Variants in EN1 observed in about 807,000 individuals in gnomAD.
EN1 encodes homeobox protein engrailed-1.
In EN1, 8 loss-of-function variants were observed where a neutral mutation model predicts 22.9. That is an observed-to-expected ratio of 0.35 (90% CI 0.20 to 0.63). The LOEUF (loss-of-function observed/expected upper bound fraction) is 0.63. Among genes scored for constraint, EN1 ranks in the 20% least tolerant of loss-of-function variants. The pLI, the probability that EN1 is intolerant of heterozygous loss-of-function variation, is 0.73. For synonymous variants in EN1, 287 were observed against 262.5 expected, an observed-to-expected ratio of 1.09 and a Z score of -0.90; for missense variants, 521 against 572.1, an observed-to-expected ratio of 0.91 and a Z score of 0.91.
Position 118,847,496 on chromosome 2 carries a change from GA to G in EN1, c.-330del. Reference sequence around the variant, plus strand: ...GTAAGCCACGGCCAAAAAAATGAAGGAAAAAAAGAAAAAGAAAAGGAAAAAG... The same window carrying G: ...GTAAGCCACGGCCAAAAAAATGAAGGAAAAAAGAAAAAGAAAAGGAAAAAG... On this transcript the variant is annotated 5_prime_UTR_variant, in exon 1 of 2. Transcript: ENST00000295206. The G allele has an allele frequency of 4.5e-6, 1 of 222,042 alleles. No homozygotes were observed. The highest frequency in any genetic ancestry group is 8.7e-6 in the Non-Finnish European group (1 of 115,144). 13.8% of individuals were successfully genotyped at this position (222,042 alleles called of 1,614,324 possible). A position where few individuals can be genotyped will look rare whatever the true frequency, so the allele number is the denominator to read the frequency against.
chr2:118,842,742 C>T lies in EN1; in HGVS notation c.*196G>A, dbSNP rs1678209844. 2 of 973,562 alleles carry T rather than the reference C, an allele frequency of 2.1e-6. No individual in the cohort carries two copies. The highest frequency in any genetic ancestry group is 1.8e-5 in the South Asian group (1 of 54,054). 60.3% of individuals were successfully genotyped at this position (973,562 alleles called of 1,614,324 possible). A position where few individuals can be genotyped will look rare whatever the true frequency, so the allele number is the denominator to read the frequency against. On this transcript the variant is annotated 3_prime_UTR_variant, in exon 2 of 2. Coordinates refer to ENST00000295206, the MANE Select transcript of EN1 (RefSeq NM_001426.4). ...GATCTTATTTTTCGATAGCACCTGT[C>T]CGAGTCTTTCTCCCTTTTCAAAAAT...
intron 1 of EN1, among the ~76,000 whole-genome samples, chr2:118,845,657 G>A (rs1243636885): frequency 6.6e-6 from 1 of 152,180 alleles, no homozygotes; most frequent in Non-Finnish European, 1.5e-5. Flanking sequence ...AAAACCAGGG[G>A]CTGCCAGCAC....
chr2:118,842,745 A>C lies in EN1; in HGVS notation c.*193T>G, dbSNP rs1315402573. 1 of 987,484 alleles carries C rather than the reference A, an allele frequency of 1.0e-6. No homozygotes were observed. The highest frequency in any genetic ancestry group is 1.4e-6 in the Non-Finnish European group (1 of 699,852). 61.2% of individuals were successfully genotyped at this position (987,484 alleles called of 1,614,324 possible). A position where few individuals can be genotyped will look rare whatever the true frequency, so the allele number is the denominator to read the frequency against. On this transcript the variant is annotated 3_prime_UTR_variant, in exon 2 of 2. Coordinates refer to ENST00000295206, the MANE Select transcript of EN1 (RefSeq NM_001426.4). ...CTTATTTTTCGATAGCACCTGTCCG[A>C]GTCTTTCTCCCTTTTCAAAAATGCT...
Position 118,847,155 on chromosome 2 carries a change from G to T in EN1, c.13C>A (p.Gln5Lys). 8.8e-7 allele frequency: 1 copy of T among 1,137,964 alleles called. No homozygotes were observed. Among genetic ancestry groups the T allele is most frequent in the Non-Finnish European group, 1.2e-6 (1 of 836,190 alleles). 70.5% of individuals were successfully genotyped at this position (1,137,964 alleles called of 1,614,324 possible). MEEQQPEPKSQRDSA... is the reference protein window; with the variant it reads MEEQKPEPKSQRDSA... Reference sequence around the variant, plus strand: ...TCGCGCTGACTTTTAGGTTCCGGCTGCTGTTCTTCCATGCTCGGCCGCCCC... The same window carrying T: ...TCGCGCTGACTTTTAGGTTCCGGCTTCTGTTCTTCCATGCTCGGCCGCCCC... Residue 5 changes from glutamine (Q) to lysine (K), a missense_variant, in exon 1 of 2, where the codon CAG becomes AAG. Transcript: ENST00000295206.
rs775823513 is a variant in EN1, at chr2:118,846,658, C to T, written c.510G>A (p.Leu170=). The part of the protein sequence containing the change: ...GTRAPGAASL[L]CAPDANCGPP... ...GGCCACAGTTCGCGTCCGGGGCGCA[C>T]AGGAGCGAGGCAGCGCCTGGCGCCC... is the stretch of plus-strand genomic sequence containing the variant. Residue 170 remains leucine (L), a synonymous_variant, in exon 1 of 2, where the codon CTG becomes CTA. Transcript: ENST00000295206. The surrounding 1 kb of genome is among the most constrained non-coding windows in gnomAD (Gnocchi z 5.0). 33 of 1,563,246 alleles carry T rather than the reference C, an allele frequency of 2.1e-5. No individual in the cohort carries two copies. In the African/African-American group the frequency reaches 2.8e-4, roughly 13 times the overall value.
chr2:118,843,058 G>A lies in EN1; in HGVS notation c.1059C>T (p.Asn353=), dbSNP rs767392804. The change falls in exon 2 of 2, where the codon AAC becomes AAT. Residue 353 remains asparagine (N), a synonymous_variant. Transcript: ENST00000295206. ...NESQIKIWFQ[N]KRAKIKKATG... is the part of the protein sequence containing the mutation. Reference sequence around the variant, plus strand: ...TGGCTTTCTTGATCTTGGCGCGCTTGTTCTGGAACCAGATCTTGATCTGGG... The same window carrying A: ...TGGCTTTCTTGATCTTGGCGCGCTTATTCTGGAACCAGATCTTGATCTGGG... The A allele has an allele frequency of 3.7e-6, 6 of 1,614,188 alleles. No individual in the cohort carries two copies. Among genetic ancestry groups the A allele is most frequent in the Non-Finnish European group, 5.1e-6 (6 of 1,180,038 alleles).
At position 118,847,303 on chromosome 2, in the gene EN1, G is replaced by A; in HGVS notation, c.-136C>T. On this transcript the variant is annotated 5_prime_UTR_variant, in exon 1 of 2. Coordinates refer to ENST00000295206, the MANE Select transcript of EN1 (RefSeq NM_001426.4). ...CGAAGCCTCAGCGAAGGCACGGGGC[G>A]GGTGCAGGAAAAAAGCTCAGGCGTC... 1 of 406,896 alleles carries A rather than the reference G, an allele frequency of 2.5e-6. No individual in the cohort carries two copies. The highest frequency in any genetic ancestry group is 6.3e-5 in the South Asian group (1 of 15,804). The allele number at this position is 406,896 out of a possible 1,614,324, so 25.2% of individuals were successfully genotyped here.
intron 1 of EN1, chr2:118,844,143 T>C (rs1678233661): frequency 1.3e-5 from 2 of 152,118 alleles, no homozygotes; most frequent in South Asian, 4.1e-4. Flanking sequence ...TATCTGGGTC[T>C]TCCTTATCTC....
At position 118,843,027 on chromosome 2, in the gene EN1, T is replaced by C; in HGVS notation, c.1090A>G (p.Ile364Val). The C allele has an allele frequency of 1.2e-6, 2 of 1,614,152 alleles. No homozygotes were observed. The highest frequency in any genetic ancestry group is 1.7e-6 in the Non-Finnish European group (2 of 1,180,018). Residue 364 changes from isoleucine to valine, a missense_variant, in exon 2 of 2, where the codon ATC (isoleucine) becomes GTC (valine). Physicochemically the swap from Ile to Val is conservative, Grantham distance 29. Coordinates refer to ENST00000295206, the MANE Select transcript of EN1 (RefSeq NM_001426.4). ...AGGTGCAGCGCCAGGCCGTTCTTGA[T>C]GCCTGTGGCTTTCTTGATCTTGGCG... ...KRAKIKKATG[I>V]KNGLALHLMA...
rs751304937 is a variant in EN1 at position 118,842,957 on chromosome 2, T to C, written c.1160A>G (p.Asp387Gly). The change falls in exon 2 of 2, where the codon GAC becomes GGC. Residue 387 changes from aspartate to glycine, a missense_variant. Around this residue, in one of 3 missense-constraint regions of EN1, gnomAD observed 35 missense variants for 40.2 expected, o/e 0.87. Transcript: ENST00000295206. Reference sequence around the variant, plus strand: ...TGGCGGCTACTCGCTCTCGTCTTTGTCCTGGACCGTGGTGGTGGAGTGGTT... The same window carrying C: ...TGGCGGCTACTCGCTCTCGTCTTTGCCCTGGACCGTGGTGGTGGAGTGGTT... ...LYNHSTTTVQ[D>G]KDESE The C allele has an allele frequency of 1.5e-5, 25 of 1,613,468 alleles. No homozygotes were observed. The highest frequency in any genetic ancestry group is 3.3e-4 in the Middle Eastern group (2 of 6,074).
chr2:118,843,231 T>G lies in EN1; in HGVS notation c.886A>C (p.Lys296Gln). 1 of 1,334,718 alleles carries G rather than the reference T, an allele frequency of 7.5e-7. No homozygotes were observed. Among genetic ancestry groups the G allele is most frequent in the Non-Finnish European group, 9.9e-7 (1 of 1,013,866 alleles). 82.7% of individuals were successfully genotyped at this position (1,334,718 alleles called of 1,614,324 possible). ...TTGTCCTCCTTCTCGTTCTTCTTCT[T>G]CTTCAGCTTCCTGGTGCGCGGACCT... ...SSGPRTRKLK[K>Q]KKNEKEDKRP... The change falls in exon 2 of 2, where the codon AAG becomes CAG. Residue 296 changes from lysine to glutamine, a missense_variant. Lys to Gln is a moderately conservative substitution (Grantham distance 53). This residue lies in a region of EN1 where 50 missense variants were observed against 121.8 expected (regional missense o/e 0.41). Transcript: ENST00000295206.
Position 118,847,291 on chromosome 2 carries a change from A to G in EN1, c.-124T>C. 2.4e-6 allele frequency: 1 copy of G among 413,756 alleles called. No individual in the cohort carries two copies. 25.6% of individuals were successfully genotyped at this position (413,756 alleles called of 1,614,324 possible). On this transcript the variant is annotated 5_prime_UTR_variant, in exon 1 of 2. Transcript: ENST00000295206. ...GAAGGAGGCAGGCGAAGCCTCAGCGAAGGCACGGGGCGGGTGCAGGAAAAA... is the reference window on the plus strand; with the variant it reads ...GAAGGAGGCAGGCGAAGCCTCAGCGGAGGCACGGGGCGGGTGCAGGAAAAA...
In EN1 at chr2:118,846,402, C is replaced by G. The variant is rs776472651; in HGVS notation, c.766G>C (p.Ala256Pro). The change falls in exon 1 of 2, where the codon GCC becomes CCC. Residue 256 changes from alanine to proline, a missense_variant. By Grantham distance (27) the Ala-to-Pro change is conservative. Transcript: ENST00000295206. The surrounding 1 kb of genome is among the most constrained non-coding windows in gnomAD (Gnocchi z 5.0). ...GTTTTGACCACGGGCCCGCCGTTGG[C>G]TGAGCCCATAAGTAGGATAGCCGGG... ...GNPAILLMGS[A>P]NGGPVVKTDS... The G allele has an allele frequency of 5.0e-6, 8 of 1,613,444 alleles. No individual in the cohort carries two copies. In the African/African-American group the frequency reaches 8.0e-5, roughly 16 times the overall value.
rs752842693 is a variant in EN1 at position 118,842,980 on chromosome 2, G to A, written c.1137C>T (p.Asn379=). 3 of 1,614,128 alleles carry A rather than the reference G, an allele frequency of 1.9e-6. No individual in the cohort carries two copies. The highest frequency in any genetic ancestry group is 4.5e-5 in the East Asian group (2 of 44,872). ...ALHLMAQGLY[N]HSTTTVQDKD... is the part of the protein sequence containing the mutation. The stretch of plus-strand genomic sequence containing the variant: ...TGTCCTGGACCGTGGTGGTGGAGTG[G>A]TTGTACAGTCCCTGGGCCATGAGGT... Residue 379 remains asparagine (N), a synonymous_variant, in exon 2 of 2, where the codon AAC becomes AAT. Transcript: ENST00000295206.
In EN1 at chr2:118,846,289, C is replaced by A; in HGVS notation, c.862+17G>T. On this transcript the variant is annotated intron_variant, in intron 1 of 1. Transcript: ENST00000295206. The surrounding 1 kb of genome is among the most constrained non-coding windows in gnomAD (Gnocchi z 5.0). ...CGGGGCCAGAAGGCATGGCGCAGCC[C>A]GGAGTTGGGTACTCACCGGAGGATG... 1.2e-6 allele frequency: 2 copies of A among 1,603,778 alleles called. No homozygotes were observed. The highest frequency in any genetic ancestry group is 1.7e-6 in the Non-Finnish European group (2 of 1,175,620).
Position 118,842,931 on chromosome 2 carries a change from G to A in EN1, c.*7C>T, listed in dbSNP as rs1299046476. The stretch of plus-strand genomic sequence containing the variant: ...GGGGGCGCGGGCGCGGCCCCGGCCT[G>A]TGGCGGCTACTCGCTCTCGTCTTTG... On this transcript the variant is annotated 3_prime_UTR_variant, in exon 2 of 2. Transcript: ENST00000295206. 2 of 1,598,604 alleles carry A rather than the reference G, an allele frequency of 1.3e-6. No homozygotes were observed. The highest frequency in any genetic ancestry group is 1.7e-6 in the Non-Finnish European group (2 of 1,168,610).
In EN1 at chr2:118,847,103, G is replaced by C; in HGVS notation, c.65C>G (p.Ala22Gly). 1 of 1,343,876 alleles carries C rather than the reference G, an allele frequency of 7.4e-7. No individual in the cohort carries two copies. Among genetic ancestry groups the C allele is most frequent in the Non-Finnish European group, 9.8e-7 (1 of 1,025,434 alleles). The allele number at this position is 1,343,876 out of a possible 1,614,324, so 83.2% of individuals were successfully genotyped here. ...RDSALGAAAAATPGGLSLSLS... is the reference protein window; with the variant it reads ...RDSALGAAAAGTPGGLSLSLS... ...GCTCAGGCTGAGGCCGCCCGGAGTCGCCGCCGCCGCCGCGCCGAGGGCCGA... is the reference window on the plus strand; with the variant it reads ...GCTCAGGCTGAGGCCGCCCGGAGTCCCCGCCGCCGCCGCGCCGAGGGCCGA... The change falls in exon 1 of 2, where the codon GCG (alanine) becomes GGG (glycine). Residue 22 changes from alanine to glycine, a missense_variant. Ala to Gly is a moderately conservative substitution (Grantham distance 60). Transcript: ENST00000295206.
chr2:118,843,729 T>C lies in EN1; in HGVS notation c.863-475A>G, dbSNP rs546903392. 1.4e-4 allele frequency among the ~76,000 whole-genome samples: 21 copies of C among 150,146 alleles called. No homozygotes were observed. The East Asian group carries it at 4.1e-3, about 30-fold the overall frequency. ...GCAGTGAGGGCAGGCCCTGGGGGAG[T>C]CGCCAGCCTGCAAACAAATCTTCCT... On this transcript the variant is annotated intron_variant, in intron 1 of 1. Coordinates refer to ENST00000295206, the MANE Select transcript of EN1 (RefSeq NM_001426.4).
At position 118,846,287 on chromosome 2, in the gene EN1, C is replaced by T. The variant is rs1678266694; in HGVS notation, c.862+19G>A. 1.2e-6 allele frequency: 2 copies of T among 1,603,142 alleles called. No individual in the cohort carries two copies. Among genetic ancestry groups the T allele is most frequent in the Non-Finnish European group, 1.7e-6 (2 of 1,175,258 alleles). On this transcript the variant is annotated intron_variant, in intron 1 of 1. Transcript: ENST00000295206. The surrounding 1 kb of genome is among the most constrained non-coding windows in gnomAD (Gnocchi z 5.0). ...CGCGGGGCCAGAAGGCATGGCGCAG[C>T]CCGGAGTTGGGTACTCACCGGAGGA...
Sources: gnomAD v4.1 joint callset for allele counts (sites outside exome capture counted in the v4.1 genomes callset) on GRCh38, gnomAD v4.1.1 for gene constraint, gnomAD v4.1.1 regional missense constraint, Gnocchi (gnomAD v3.1) non-coding constraint, MANE v1.5 for transcripts, NCBI Gene and HGNC (gene_info 2026-07-23, HGNC 2026-07-21) for gene names.